Variants in NEBL observed in about 807,000 individuals in gnomAD.
The protein encoded by NEBL is LIM and SH3 protein 2.
A neutral mutation model predicts 140.2 loss-of-function variants in NEBL; 122 were observed. That is an observed-to-expected ratio of 0.87 (90% CI 0.75 to 1.01). The LOEUF (loss-of-function observed/expected upper bound fraction) is 1.01. NEBL is among the 50% of genes least tolerant of loss of function. The pLI is 0.00. For synonymous variants in NEBL, 436 were observed against 398.9 expected, an observed-to-expected ratio of 1.09 and a Z score of -1.11; for missense variants, 1,365 against 1,231.3, an observed-to-expected ratio of 1.11 and a Z score of -1.62.
At chr10:21,257,378 G>A (rs1476620482) in intron 1 of NEBL, among the ~76,000 whole-genome samples, 2 of 152,138 alleles carry the variant, frequency 1.3e-5, no homozygotes, top group Non-Finnish European at 2.9e-5. Flanking sequence ...ACACCTCTGA[G>A]CTTAGCCAAG....
chr10:20,908,464 G>C (rs1454082166), intron 4 of NEBL, among the ~76,000 whole-genome samples: 1 of 152,116 alleles, frequency 6.6e-6, no homozygotes, highest in Non-Finnish European at 1.5e-5. Flanking sequence ...GGCGTTAGAA[G>C]CAACAGGAAA....
chr10:20,926,129 A>G (rs1482902268), intron 4 of NEBL, among the ~76,000 whole-genome samples: 2 of 152,228 alleles, frequency 1.3e-5, no homozygotes, highest in Non-Finnish European at 2.9e-5. Context: ...CATCAGATGC[A>G]CAAAAAAATG....
At chr10:21,162,180 T>C (rs1183096971) in intron 2 of NEBL, among the ~76,000 whole-genome samples, 1 of 152,232 alleles carries the variant, frequency 6.6e-6, no homozygotes, top group African/African-American at 2.4e-5. Context: ...AAACACATAT[T>C]GATCCCACAG....
At chr10:21,143,120 G>A (rs1439367140) in intron 2 of NEBL, among the ~76,000 whole-genome samples, 2 of 152,120 alleles carry the variant, frequency 1.3e-5, no homozygotes, top group Admixed American at 6.6e-5. Context: ...TAGAAAAAGA[G>A]GAGTTTTCAT....
At chr10:21,074,758 G>A (rs142853031) in intron 2 of NEBL, among the ~76,000 whole-genome samples, 1,523 of 151,838 alleles carry the variant, frequency 0.01, 17 homozygotes, top group Non-Finnish European at 0.018. Flanking sequence ...GATTATAGGC[G>A]TGAGCCACTG....
In NEBL at chr10:21,046,462, A is replaced by G. The variant is rs910402752; in HGVS notation, c.165-26261T>C. 1.1e-4 allele frequency among the ~76,000 whole-genome samples: 17 copies of G among 152,378 alleles called. 1 individual carries two copies. The highest frequency in any genetic ancestry group is 7.8e-4 in the Admixed American group (12 of 15,306). On this transcript the variant is annotated intron_variant, in intron 2 of 6. Coordinates refer to the NEBL transcript ENST00000417816. ...GTATCAAAACATCATGCTAGACACC[A>G]TAAACATACATAACTTTTGCTTCTC...
intron 26 of NEBL, among the ~76,000 whole-genome samples, chr10:20,798,922 A>C (rs1468179590): frequency 6.6e-6 from 1 of 152,166 alleles, no homozygotes; most frequent in Non-Finnish European, 1.5e-5. Flanking sequence ...AACGTATGAC[A>C]TTTCTTTCAT....
At chr10:21,160,297 G>C (rs574733562) in intron 2 of NEBL, among the ~76,000 whole-genome samples, 1 of 152,002 alleles carries the variant, frequency 6.6e-6, no homozygotes, top group Non-Finnish European at 1.5e-5. Context: ...TGCTTTTTAC[G>C]GGCCACTCAG....
chr10:21,022,081 G>T (rs1838821526), intron 2 of NEBL, among the ~76,000 whole-genome samples: 3 of 152,148 alleles, frequency 2.0e-5, no homozygotes, highest in African/African-American at 7.2e-5. Context: ...CTCAAACACT[G>T]ATTCAGAGCT....
Position 20,790,537 on chromosome 10 carries a change from G to T in NEBL, c.2762-3229C>A, listed in dbSNP as rs60137449. Among the ~76,000 whole-genome samples, 16 of 150,800 alleles carry T rather than the reference G, an allele frequency of 1.1e-4. No individual in the cohort carries two copies. In the East Asian group the frequency reaches 2.9e-3, roughly 28 times the overall value. ...AATCACTTGAACCCAGGAGGAGGAG[G>T]TTGCAATGAACCGAGATCATGCCAC... On this transcript the variant is annotated intron_variant, in intron 26 of 27. Coordinates refer to ENST00000377122, the MANE Select transcript of NEBL (RefSeq NM_006393.3).
At chr10:20,952,533 A>G (rs930990827) in intron 4 of NEBL, among the ~76,000 whole-genome samples, 8 of 152,080 alleles carry the variant, frequency 5.3e-5, no homozygotes, top group African/African-American at 1.9e-4. Context: ...AAAATAGGGA[A>G]AAGTTTAAAA....
intron 2 of NEBL, among the ~76,000 whole-genome samples, chr10:21,084,244 G>A (rs973191410): frequency 6.6e-6 from 1 of 152,242 alleles, no homozygotes; most frequent in Admixed American, 6.5e-5. Flanking sequence ...TGGTTTATGC[G>A]TTGAGTGTTG....
Position 20,781,130 on chromosome 10 carries a change from G to A in NEBL, c.*4617C>T, listed in dbSNP as rs1835012762. On this transcript the variant is annotated 3_prime_UTR_variant, in exon 28 of 28. Transcript: ENST00000377122. ...CCACCAAGGCTTAAAGATTCACAGT[G>A]TAGAGGAAAAAAATATGAATTAAAG... 1 of 152,518 alleles carries A rather than the reference G, an allele frequency of 6.6e-6. No homozygotes were observed. Among genetic ancestry groups the A allele is most frequent in the African/African-American group, 2.4e-5 (1 of 41,410 alleles). 9.4% of individuals were successfully genotyped at this position (152,518 alleles called of 1,614,324 possible).
At chr10:21,283,105 T>C (rs554288421) in intron 1 of NEBL, among the ~76,000 whole-genome samples, 12 of 146,166 alleles carry the variant, frequency 8.2e-5, no homozygotes, top group African/African-American at 2.5e-4. Flanking sequence ...CACTGCACTC[T>C]AGCCTGGGCG....
At position 20,785,795 on chromosome 10, in the gene NEBL, T is replaced by C. The variant is rs2296614; in HGVS notation, c.2997A>G (p.Thr999=). ...TCGCTGGGAGCATTCCTGTTCTCCCTGTTCTCTGCACTGTGCCGTACATCC... is the reference window on the plus strand; with the variant it reads ...TCGCTGGGAGCATTCCTGTTCTCCCCGTTCTCTGCACTGTGCCGTACATCC... ...DGWMYGTVQR[T]GRTGMLPANY... The change falls in exon 28 of 28, where the codon ACA becomes ACG. Residue 999 remains threonine, a synonymous_variant. Coordinates refer to ENST00000377122, the MANE Select transcript of NEBL (RefSeq NM_006393.3). The C allele has an allele frequency of 0.077, 123,507 of 1,613,892 alleles. 5,309 individuals are homozygous for C. The highest frequency in any genetic ancestry group is 0.14 in the Admixed American group (8,272 of 59,998).
chr10:20,969,701 A>C (rs1197838788), intron 3 of NEBL, among the ~76,000 whole-genome samples: 1 of 151,728 alleles, frequency 6.6e-6, no homozygotes, highest in Non-Finnish European at 1.5e-5. Flanking sequence ...GTACACCACC[A>C]CACTGAGCTA....
rs1370492882 is a variant in NEBL at position 21,120,390 on chromosome 10, ATACATATATATATAT to A, written c.164+51978_164+51992del. ...ACTGTGTCTCAAAAAAAAAAAAAAAATACATATATATATATATATATATATATATATATAAATTTG... is the reference window on the plus strand; with the variant it reads ...ACTGTGTCTCAAAAAAAAAAAAAAAAATATATATATATATATATAAATTTG... On this transcript the variant is annotated intron_variant, in intron 2 of 6. Coordinates refer to the NEBL transcript ENST00000417816. Among the ~76,000 whole-genome samples, 102 of 99,490 alleles carry A rather than the reference ATACATATATATATAT, an allele frequency of 1.0e-3. 1 individual carries two copies. The highest frequency in any genetic ancestry group is 1.7e-3 in the Non-Finnish European group (89 of 52,332). The allele number at this position is 99,490 out of a possible 152,430, so 65.3% of individuals were successfully genotyped here.
intron 4 of NEBL, among the ~76,000 whole-genome samples, chr10:20,925,723 A>AAG (rs1246117864): frequency 1.3e-5 from 2 of 151,632 alleles, no homozygotes; most frequent in African/African-American, 4.8e-5. Context: ...TAAAAAAAAA[A>AAG]AGGCAGAACA....
At chr10:20,905,750 C>A (rs1204116775) in intron 4 of NEBL, among the ~76,000 whole-genome samples, 1 of 152,136 alleles carries the variant, frequency 6.6e-6, no homozygotes, top group Non-Finnish European at 1.5e-5. Context: ...ACCAAAAGTT[C>A]TATGTCACTG....
Sources: gnomAD v4.1 joint callset for allele counts (sites outside exome capture counted in the v4.1 genomes callset) on GRCh38, gnomAD v4.1.1 for gene constraint, MANE v1.5 for transcripts, NCBI Gene and HGNC (gene_info 2026-07-23, HGNC 2026-07-21) for gene names.